Variants in ADAMTS12 observed in about 807,000 individuals in gnomAD.
The protein encoded by ADAMTS12 is ADAM metallopeptidase with thrombospondin type 1 motif 12, also known as A disintegrin and metalloproteinase with thrombospondin motifs 12.
ADAMTS12 carries 118 observed loss-of-function variants against 167.8 expected under a neutral mutation model. That is an observed-to-expected ratio of 0.70 (90% CI 0.61 to 0.82). ADAMTS12 has a LOEUF of 0.82. ADAMTS12 is among the 40% of genes least tolerant of loss of function. ADAMTS12 has a pLI of 0.00. For synonymous variants in ADAMTS12, 704 were observed against 716.9 expected, an observed-to-expected ratio of 0.98 and a Z score of 0.29; for missense variants, 1,916 against 1,998.8, an observed-to-expected ratio of 0.96 and a Z score of 0.79.
At chr5:33,564,721 C>T (rs929938297) in intron 19 of ADAMTS12, among the ~76,000 whole-genome samples, 3 of 152,168 alleles carry the variant, frequency 2.0e-5, no homozygotes, top group Non-Finnish European at 4.4e-5. Flanking sequence ...AAGGGACTTT[C>T]CTGAATGTCA....
At chr5:33,770,671 C>T (rs958509044) in intron 2 of ADAMTS12, among the ~76,000 whole-genome samples, 1 of 152,052 alleles carries the variant, frequency 6.6e-6, no homozygotes, top group African/African-American at 2.4e-5. Context: ...CCTCATCCCC[C>T]ACCCCCAGGT....
At position 33,837,738 on chromosome 5, in the gene ADAMTS12, A is replaced by C. The variant is rs75910610; in HGVS notation, c.489+43381T>G. ...GTAACAAAACCAAGGAGACGGGTCCATGACAGTGACTACCTGGATCCAATC... is the reference window on the plus strand; with the variant it reads ...GTAACAAAACCAAGGAGACGGGTCCCTGACAGTGACTACCTGGATCCAATC... On this transcript the variant is annotated intron_variant, in intron 2 of 23. Coordinates refer to ENST00000504830, the MANE Select transcript of ADAMTS12 (RefSeq NM_030955.4). Among the ~76,000 whole-genome samples the C allele has an allele frequency of 4.6e-3, 706 of 152,370 alleles. 10 individuals carry two copies. The highest frequency in any genetic ancestry group is 0.016 in the African/African-American group (674 of 41,592).
At chr5:33,779,793 T>C (rs920350946) in intron 2 of ADAMTS12, among the ~76,000 whole-genome samples, 1 of 152,192 alleles carries the variant, frequency 6.6e-6, no homozygotes, top group Non-Finnish European at 1.5e-5. Context: ...GAGAGCAGGA[T>C]GGTTGTCACC....
chr5:33,757,832 T>A (rs978173137), intron 2 of ADAMTS12, among the ~76,000 whole-genome samples: 2 of 152,162 alleles, frequency 1.3e-5, no homozygotes, highest in African/African-American at 4.8e-5. Flanking sequence ...AGAGACACTA[T>A]ACGTAAAATG....
intron 3 of ADAMTS12, among the ~76,000 whole-genome samples, chr5:33,724,653 G>A (rs558681242): frequency 2.6e-5 from 4 of 151,072 alleles, no homozygotes; most frequent in African/African-American, 7.3e-5. Context: ...CCGGGTTCAC[G>A]CCATTCTCCT....
chr5:33,668,524 G>A lies in ADAMTS12; in HGVS notation c.916-6484C>T, dbSNP rs571986566. 2.6e-5 allele frequency among the ~76,000 whole-genome samples: 4 copies of A among 152,070 alleles called. No individual in the cohort carries two copies. In the South Asian group the frequency reaches 8.3e-4, roughly 32 times the overall value. On this transcript the variant is annotated intron_variant, in intron 5 of 23. Coordinates refer to ENST00000504830, the MANE Select transcript of ADAMTS12 (RefSeq NM_030955.4). Reference sequence around the variant, plus strand: ...GGAGGAATTTTTTTTTTCTTTATGAGGCAGGGTCTCACTCTGTCGCCCAGG... The same window carrying A: ...GGAGGAATTTTTTTTTTCTTTATGAAGCAGGGTCTCACTCTGTCGCCCAGG...
intron 3 of ADAMTS12, among the ~76,000 whole-genome samples, chr5:33,684,763 A>G (rs1419729871): frequency 6.6e-6 from 1 of 152,248 alleles, no homozygotes; most frequent in Admixed American, 6.5e-5. Context: ...AGGATTTGAT[A>G]CATGAGGGTC....
At chr5:33,776,388 T>A (rs1035699863) in intron 2 of ADAMTS12, among the ~76,000 whole-genome samples, 1 of 152,170 alleles carries the variant, frequency 6.6e-6, no homozygotes, top group African/African-American at 2.4e-5. Flanking sequence ...ACCACAGTGG[T>A]ATGAAACTGG....
At chr5:33,723,490 T>C (rs2112339253) in intron 3 of ADAMTS12, among the ~76,000 whole-genome samples, 1 of 152,306 alleles carries the variant, frequency 6.6e-6, no homozygotes, top group Middle Eastern at 3.4e-3. Context: ...GTTCTCCACA[T>C]TGTTCTTTCT....
At chr5:33,891,693 C>T (rs1455358813) in intron 1 of ADAMTS12, 37 bp downstream of exon 1, 1 of 1,612,974 alleles carries the variant, frequency 6.2e-7, no homozygotes, top group East Asian at 2.2e-5. Context: ...AGTCTTACCA[C>T]CACTGTTTTA....
chr5:33,703,455 T>C (rs1411981105), intron 3 of ADAMTS12, among the ~76,000 whole-genome samples: 2 of 152,148 alleles, frequency 1.3e-5, no homozygotes, highest in Admixed American at 6.6e-5. Context: ...AAGTATATAA[T>C]AGAGTATTGT....
chr5:33,543,282 G>A (rs1044654267), intron 22 of ADAMTS12, among the ~76,000 whole-genome samples: 2 of 152,026 alleles, frequency 1.3e-5, no homozygotes, highest in East Asian at 3.9e-4. Context: ...ATAAATTCTT[G>A]GACACATACA....
At chr5:33,689,409 A>G (rs1201399470) in intron 3 of ADAMTS12, among the ~76,000 whole-genome samples, 15 of 5,736 alleles carry the variant, frequency 2.6e-3, no homozygotes, top group African/African-American at 6.4e-3. Flanking sequence ...GAAAGGATCA[A>G]CTCAAAAAAA....
chr5:33,624,044 C>T (rs568109369), intron 14 of ADAMTS12, among the ~76,000 whole-genome samples, 187 bp downstream of exon 14: 14 of 152,316 alleles, frequency 9.2e-5, no homozygotes, highest in African/African-American at 3.4e-4. Context: ...TGTCAGCAAT[C>T]AACCCGTTTC....
At chr5:33,736,070 CT>C (rs537654731) in intron 3 of ADAMTS12, among the ~76,000 whole-genome samples, 2 of 134,740 alleles carry the variant, frequency 1.5e-5, no homozygotes, top group Non-Finnish European at 3.2e-5. Context: ...TTTTTTTTTT[CT>C]TTTTTTTTGA....
intron 13 of ADAMTS12, among the ~76,000 whole-genome samples, chr5:33,626,886 G>A (rs1224247667): frequency 3.3e-5 from 5 of 151,298 alleles, no homozygotes; most frequent in African/African-American, 7.3e-5. Context: ...TAGCGGTGGT[G>A]ATGGTGATTT....
intron 22 of ADAMTS12, among the ~76,000 whole-genome samples, chr5:33,543,349 T>G (rs891809619): frequency 1.3e-5 from 2 of 151,928 alleles, no homozygotes; most frequent in African/African-American, 2.4e-5. Context: ...AATAACAGAC[T>G]CTGAAATTGA....
At position 33,685,876 on chromosome 5, in the gene ADAMTS12, C is replaced by G. The variant is rs929658562; in HGVS notation, c.635-1821G>C. Among the ~76,000 whole-genome samples the G allele has an allele frequency of 1.6e-4, 24 of 152,096 alleles. 1 individual carries two copies. Among genetic ancestry groups the G allele is most frequent in the African/African-American group, 5.3e-4 (22 of 41,420 alleles). On this transcript the variant is annotated intron_variant, in intron 3 of 23. Transcript: ENST00000504830. ...ACCCCCTCCCTCATTGCCCCATCAG[C>G]TTTTTGTCCCTGTTTTGAATCTCAC... is the stretch of plus-strand genomic sequence containing the variant.
At chr5:33,820,930 A>G (rs1164204335) in intron 2 of ADAMTS12, among the ~76,000 whole-genome samples, 1 of 152,182 alleles carries the variant, frequency 6.6e-6, no homozygotes, top group East Asian at 1.9e-4. Flanking sequence ...ATGAAAACAC[A>G]TGGACACATA....
Sources: gnomAD v4.1 joint callset for allele counts (sites outside exome capture counted in the v4.1 genomes callset) on GRCh38, gnomAD v4.1.1 for gene constraint, MANE v1.5 for transcripts, NCBI Gene and HGNC (gene_info 2026-07-23, HGNC 2026-07-21) for gene names.